The following KIF26B variants were observed in gnomAD, a reference collection of about 807,000 sequenced individuals.
The protein encoded by KIF26B is kinesin-like protein KIF26B.
In KIF26B, 63 loss-of-function variants were observed where a neutral mutation model predicts 151.2. The observed-to-expected ratio is 0.42, with a 90% confidence interval of 0.34 to 0.51. The LOEUF (loss-of-function observed/expected upper bound fraction) is 0.51. KIF26B is among the 20% of genes least tolerant of loss of function. KIF26B has a pLI of 0.07. For missense variants in KIF26B, 2,813 were observed against 2,913.6 expected (o/e 0.97, Z 0.79); for synonymous variants, 1,357 against 1,262.1 (o/e 1.08, Z -1.59).
At chr1:245,366,562 A>G (rs1672958804) in intron 2 of KIF26B, among the ~76,000 whole-genome samples, 3 of 151,736 alleles carry the variant, frequency 2.0e-5, no homozygotes, top group Non-Finnish European at 4.4e-5. Context: ...AATATTCTTG[A>G]CCAGCCTGGC....
intron 2 of KIF26B, among the ~76,000 whole-genome samples, chr1:245,313,667 C>T (rs952970852): frequency 1.3e-5 from 2 of 152,234 alleles, no homozygotes; most frequent in African/African-American, 4.8e-5. Flanking sequence ...GGCAAGCATT[C>T]ACACCACCTG....
rs755367091 is a variant in KIF26B, at chr1:245,688,642, G to A, written c.5659G>A (p.Ala1887Thr). ...GELPPAMGKT[A>T]LFYHSGGSSG... is the part of the protein sequence containing the mutation. ...GCTCCCGCCGGCCATGGGGAAGACG[G>A]CCCTGTTCTACCACAGCGGCGGCAG... Residue 1887 changes from alanine to threonine, a missense_variant, in exon 12 of 15, where the codon GCC becomes ACC. Around this residue, in one of 3 missense-constraint regions of KIF26B, gnomAD observed 2,060 missense variants for 2,088.6 expected, o/e 0.99. Coordinates refer to ENST00000407071, the MANE Select transcript of KIF26B (RefSeq NM_018012.4). The A allele has an allele frequency of 1.7e-4, 276 of 1,602,756 alleles. 1 individual carries two copies. Among genetic ancestry groups the A allele is most frequent in the Non-Finnish European group, 2.2e-4 (264 of 1,176,144 alleles).
chr1:245,336,412 G>T (rs1412819852), intron 2 of KIF26B, among the ~76,000 whole-genome samples: 1 of 152,242 alleles, frequency 6.6e-6, no homozygotes, highest in African/African-American at 2.4e-5. Context: ...GTATGCGGGT[G>T]CCTCCGACTG....
chr1:245,174,522 A>G (rs1288510251), intron 2 of KIF26B, among the ~76,000 whole-genome samples: 4 of 152,098 alleles, frequency 2.6e-5, no homozygotes, highest in Admixed American at 1.3e-4. Flanking sequence ...TTATTTATTT[A>G]CTGAGACAGA....
intron 14 of KIF26B, 100 bp downstream of exon 14, chr1:245,699,137 C>T (rs1015258250): frequency 8.8e-6 from 11 of 1,255,662 alleles, no homozygotes; most frequent in African/African-American, 4.5e-5. Context: ...GCTGTGTCCT[C>T]GTCCTCAGTC....
At chr1:245,607,528 C>A in intron 6 of KIF26B, 123 bp from the exon 7 acceptor site, 1 of 733,484 alleles carries the variant, frequency 1.4e-6, no homozygotes, top group Non-Finnish European at 2.2e-6. Context: ...CAGAGGCCAA[C>A]CCACCTGGGA....
intron 2 of KIF26B, among the ~76,000 whole-genome samples, chr1:245,159,823 G>A (rs1225212237): frequency 1.3e-5 from 2 of 152,132 alleles, no homozygotes; most frequent in African/African-American, 2.4e-5. Flanking sequence ...GGCTCTGGTG[G>A]CCTGAGAAGA....
rs201403620 is a variant in KIF26B at position 245,690,747 on chromosome 1, G to T, written c.5824+1940G>T. Among the ~76,000 whole-genome samples, 16 of 151,842 alleles carry T rather than the reference G, an allele frequency of 1.1e-4. No individual in the cohort carries two copies. In the East Asian group the frequency reaches 2.7e-3, roughly 26 times the overall value. On this transcript the variant is annotated intron_variant, in intron 12 of 14. Coordinates refer to ENST00000407071, the MANE Select transcript of KIF26B (RefSeq NM_018012.4). ...TTGACATCTTTATTTGCCTGGGGGG[G>T]GGGTATGCTTCAGTCTTTGATACGC...
intron 2 of KIF26B, among the ~76,000 whole-genome samples, chr1:245,252,646 G>A (rs1379568861): frequency 1.3e-5 from 2 of 150,502 alleles, no homozygotes; most frequent in African/African-American, 5.0e-5. Flanking sequence ...TGTCATAATT[G>A]CAGATAATAT....
At chr1:245,324,579 C>A (rs1671949145) in intron 2 of KIF26B, among the ~76,000 whole-genome samples, 1 of 152,082 alleles carries the variant, frequency 6.6e-6, no homozygotes, top group Admixed American at 6.6e-5. Flanking sequence ...CTTCTTTTTC[C>A]TCTTTTATTG....
In KIF26B at chr1:245,709,424, T is replaced by G. The variant is rs2044879341; in HGVS notation, c.*6818T>G. ...ACTATGGTGGCATTAAATGTTCACT[T>G]TTATTCTACCCAGAGTTGTGAATTC... On this transcript the variant is annotated 3_prime_UTR_variant, in exon 15 of 15. Transcript: ENST00000407071. 1 of 152,228 alleles carries G rather than the reference T, an allele frequency of 6.6e-6. No homozygotes were observed. The highest frequency in any genetic ancestry group is 2.1e-4 in the South Asian group (1 of 4,828). 9.4% of individuals were successfully genotyped at this position (152,228 alleles called of 1,614,324 possible). A position where few individuals can be genotyped will look rare whatever the true frequency, so the allele number is the denominator to read the frequency against.
chr1:245,662,656 TAC>T (rs2044165959), intron 10 of KIF26B, among the ~76,000 whole-genome samples: 10 of 83,786 alleles, frequency 1.2e-4, no homozygotes, highest in Non-Finnish European at 2.4e-4. Flanking sequence ...ACACATCCAA[TAC>T]ATACATATAC....
chr1:245,675,939 A>G (rs1194005723), intron 10 of KIF26B, among the ~76,000 whole-genome samples: 1 of 152,180 alleles, frequency 6.6e-6, no homozygotes, highest in East Asian at 1.9e-4. Flanking sequence ...CTTTCTAATA[A>G]TTGAGGCTAT....
At position 245,156,526 on chromosome 1, in the gene KIF26B, C is replaced by T. The variant is rs1668436979; in HGVS notation, c.308C>T (p.Ser103Phe). The change falls in exon 2 of 15, where the codon TCT becomes TTT. Residue 103 changes from serine (S) to phenylalanine (F), a missense_variant. Physicochemically the swap from Ser to Phe is radical, Grantham distance 155 (BLOSUM62 -2). Transcript: ENST00000407071. ...AGTTCGCCGGGCTCCTTGGGCGGCTCTCCGGGCTTCGGCACAGGCTCCCCG... is the reference window on the plus strand; with the variant it reads ...AGTTCGCCGGGCTCCTTGGGCGGCTTTCCGGGCTTCGGCACAGGCTCCCCG... ...GTSSPGSLGG[S>F]PGFGTGSPGS... 1.3e-6 allele frequency: 2 copies of T among 1,534,562 alleles called. No homozygotes were observed. Among genetic ancestry groups the T allele is most frequent in the Non-Finnish European group, 8.7e-7 (1 of 1,145,820 alleles).
At chr1:245,443,623 T>C (rs1175474503) in intron 4 of KIF26B, among the ~76,000 whole-genome samples, 4 of 108,492 alleles carry the variant, frequency 3.7e-5, no homozygotes, top group Admixed American at 2.1e-4. Context: ...TCTCCCTCAC[T>C]GTTCACCTAG....
rs750174354 is a variant in KIF26B, at chr1:245,367,996, C to T, written c.999+629C>T. Among the ~76,000 whole-genome samples, 16 of 152,260 alleles carry T rather than the reference C, an allele frequency of 1.1e-4. No individual in the cohort carries two copies. Among genetic ancestry groups the T allele is most frequent in the Middle Eastern group, 3.4e-3 (1 of 294 alleles). ...AGGATATTGTGAGTCCCAGGAATCA[C>T]GGTTTTAAAGCAGCCTGTGGAAGTG... On this transcript the variant is annotated intron_variant, in intron 3 of 14. Coordinates refer to ENST00000407071, the MANE Select transcript of KIF26B (RefSeq NM_018012.4). The surrounding 1 kb of genome is among the most constrained non-coding windows in gnomAD (Gnocchi z 4.2).
At chr1:245,696,379 G>A (rs1398125774) in intron 12 of KIF26B, among the ~76,000 whole-genome samples, 1 of 152,204 alleles carries the variant, frequency 6.6e-6, no homozygotes, top group East Asian at 1.9e-4. Context: ...TTCAACCTCA[G>A]TCAAGCCTTC....
chr1:245,565,699 A>G (rs568005557), intron 5 of KIF26B, among the ~76,000 whole-genome samples: 3 of 152,244 alleles, frequency 2.0e-5, no homozygotes. Flanking sequence ...AACCTCTGAA[A>G]TATACGCACA....
chr1:245,302,439 C>T (rs934943048), intron 2 of KIF26B, among the ~76,000 whole-genome samples: 26 of 152,206 alleles, frequency 1.7e-4, no homozygotes, highest in African/African-American at 5.3e-4. Flanking sequence ...CATGTGATAG[C>T]ATCCAGTTTT....
Sources: gnomAD v4.1 joint callset for allele counts (sites outside exome capture counted in the v4.1 genomes callset) on GRCh38, gnomAD v4.1.1 for gene constraint, gnomAD v4.1.1 regional missense constraint, Gnocchi (gnomAD v3.1) non-coding constraint, MANE v1.5 for transcripts, NCBI Gene and HGNC (gene_info 2026-07-23, HGNC 2026-07-21) for gene names.